The following PTPN13 variants were observed in gnomAD, a reference collection of about 807,000 sequenced individuals.
PTPN13 encodes protein tyrosine phosphatase non-receptor type 13, also known as tyrosine-protein phosphatase non-receptor type 13.
A neutral mutation model predicts 284.0 loss-of-function variants in PTPN13; 191 were observed. The observed-to-expected ratio is 0.67, with a 90% CI of 0.60 to 0.76. The LOEUF (loss-of-function observed/expected upper bound fraction) is 0.76, where lower values mean the gene tolerates loss of function less well. Among genes scored for constraint, PTPN13 ranks in the 30% least tolerant of loss-of-function variants. PTPN13 has a pLI of 0.00. For missense variants in PTPN13, 2,797 were observed against 2,939.9 expected (o/e 0.95, Z 1.12); for synonymous variants, 986 against 1,022.3 (o/e 0.96, Z 0.68).
intron 1 of PTPN13, among the ~76,000 whole-genome samples, chr4:86,602,953 C>T (rs1319333071): frequency 6.6e-6 from 1 of 152,106 alleles, no homozygotes; most frequent in East Asian, 1.9e-4. Flanking sequence ...CCTGCCTCAG[C>T]CTCTTAAGGT....
intron 2 of PTPN13, among the ~76,000 whole-genome samples, chr4:86,664,795 C>T (rs1460938586): frequency 1.3e-5 from 2 of 152,114 alleles, no homozygotes; most frequent in Non-Finnish European, 2.9e-5. Flanking sequence ...AGCTCCTCAG[C>T]ACATTATTAG....
Position 86,763,017 on chromosome 4 carries a change from C to G in PTPN13, c.3844C>G (p.Pro1282Ala). Residue 1282 changes from proline to alanine, a missense_variant, in exon 24 of 48, where the codon CCT becomes GCT. Physicochemically the swap from Pro to Ala is conservative, Grantham distance 27 (BLOSUM62 -1). Transcript: ENST00000411767. ...CTGGCAGGAATCACAGCATGGCAGC[C>G]CTTCCCCATCTGTAATATCCAAAGC... is the stretch of plus-strand genomic sequence containing the variant. ...QTWQESQHGS[P>A]SPSVISKATE... 2 of 1,613,638 alleles carry G rather than the reference C, an allele frequency of 1.2e-6. No homozygotes were observed. The highest frequency in any genetic ancestry group is 1.7e-6 in the Non-Finnish European group (2 of 1,179,816).
chr4:86,741,231 C>G (rs1344764715), intron 15 of PTPN13, among the ~76,000 whole-genome samples: 2 of 152,156 alleles, frequency 1.3e-5, no homozygotes, highest in Non-Finnish European at 2.9e-5. Context: ...CTGTATTAGT[C>G]CATTTTCACA....
chr4:86,653,676 T>A (rs1725373330), intron 2 of PTPN13, among the ~76,000 whole-genome samples: 1 of 152,146 alleles, frequency 6.6e-6, no homozygotes, highest in Non-Finnish European at 1.5e-5. Context: ...CAACATTGCA[T>A]GCAGCAACTG....
intron 19 of PTPN13, 52 bp from the exon 20 acceptor site, chr4:86,752,957 A>G: frequency 1.5e-6 from 2 of 1,305,426 alleles, no homozygotes; most frequent in Non-Finnish European, 2.2e-6. Context: ...TCACTTCGAT[A>G]TCTAGCATCT....
At chr4:86,730,301 C>T (rs923405142) in intron 10 of PTPN13, among the ~76,000 whole-genome samples, 2 of 149,636 alleles carry the variant, frequency 1.3e-5, no homozygotes, top group East Asian at 3.9e-4. Context: ...ATTCTCAGAG[C>T]TCAAACGCCA....
chr4:86,724,885 G>GTAGA (rs1371090541), intron 10 of PTPN13, among the ~76,000 whole-genome samples: 1 of 151,772 alleles, frequency 6.6e-6, no homozygotes, highest in Non-Finnish European at 1.5e-5. Context: ...TGTTATGTAG[G>GTAGA]TAGACATGTG....
At chr4:86,612,706 A>G (rs116432625) in intron 1 of PTPN13, among the ~76,000 whole-genome samples, 1 of 152,222 alleles carries the variant, frequency 6.6e-6, no homozygotes, top group Non-Finnish European at 1.5e-5. Flanking sequence ...AGAAAAAGGC[A>G]AGCGAGCATG....
intron 19 of PTPN13, among the ~76,000 whole-genome samples, chr4:86,752,476 T>G (rs939200061): frequency 1.3e-5 from 2 of 152,186 alleles, no homozygotes; most frequent in African/African-American, 4.8e-5. Flanking sequence ...AACTCTGTGT[T>G]GAAAATAGGC....
intron 42 of PTPN13, among the ~76,000 whole-genome samples, chr4:86,803,297 A>T (rs1228490323): frequency 1.3e-5 from 2 of 151,610 alleles, no homozygotes; most frequent in Non-Finnish European, 2.9e-5. Context: ...AAAATAAAAT[A>T]AAGACCTTCC....
At chr4:86,731,842 A>T (rs1035700625) in intron 10 of PTPN13, among the ~76,000 whole-genome samples, 1 of 152,046 alleles carries the variant, frequency 6.6e-6, no homozygotes, top group Non-Finnish European at 1.5e-5. Context: ...GGGTCTAACT[A>T]TGTTGCCCAG....
intron 2 of PTPN13, among the ~76,000 whole-genome samples, chr4:86,653,654 C>T (rs2148817420): frequency 6.6e-6 from 1 of 152,112 alleles, no homozygotes; most frequent in Non-Finnish European, 1.5e-5. Context: ...TAAAATACTC[C>T]AAACATAAAT....
At chr4:86,790,614 G>A (rs1434616571) in intron 40 of PTPN13, among the ~76,000 whole-genome samples, 1 of 152,130 alleles carries the variant, frequency 6.6e-6, no homozygotes, top group Non-Finnish European at 1.5e-5. Flanking sequence ...TCTTCAGGAG[G>A]AGAAGACACA....
Position 86,771,259 on chromosome 4 carries a change from A to G in PTPN13, c.4892A>G (p.Asp1631Gly), listed in dbSNP as rs767286517. 14 of 1,608,834 alleles carry G rather than the reference A, an allele frequency of 8.7e-6. No individual in the cohort carries two copies. The highest frequency in any genetic ancestry group is 1.1e-5 in the South Asian group (1 of 89,594). ...TGTGTGGAGCAAAGCACCAGCTCAG[A>G]TGAAAATGAAATGTCAGACAAAAGC... ...PSCVEQSTSS[D>G]ENEMSDKSKK... Residue 1631 changes from aspartate (D) to glycine (G), a missense_variant, in exon 31 of 48, where the codon GAT becomes GGT. Coordinates refer to ENST00000411767, the MANE Select transcript of PTPN13 (RefSeq NM_080683.3).
At chr4:86,712,446 A>C (rs2149052526) in intron 7 of PTPN13, among the ~76,000 whole-genome samples, 1 of 152,052 alleles carries the variant, frequency 6.6e-6, no homozygotes, top group South Asian at 2.1e-4. Flanking sequence ...CTCTTGGTAA[A>C]GAACATGTAA....
intron 2 of PTPN13, among the ~76,000 whole-genome samples, chr4:86,655,707 A>G (rs1254062551): frequency 6.6e-6 from 1 of 152,048 alleles, no homozygotes; most frequent in Non-Finnish European, 1.5e-5. Flanking sequence ...GGTGAATCTG[A>G]CAATTATGTG....
intron 15 of PTPN13, among the ~76,000 whole-genome samples, chr4:86,737,620 C>G (rs566760169): frequency 6.6e-6 from 1 of 151,762 alleles, no homozygotes; most frequent in Non-Finnish European, 1.5e-5. Flanking sequence ...ACCTGTAATC[C>G]TTAGCAACTA....
chr4:86,623,767 A>G (rs927792973), intron 1 of PTPN13, among the ~76,000 whole-genome samples: 4 of 152,300 alleles, frequency 2.6e-5, no homozygotes, highest in South Asian at 4.1e-4. Flanking sequence ...CCTCCTTTAG[A>G]ACTTTGCTCA....
chr4:86,662,336 C>G (rs534156460), intron 2 of PTPN13, among the ~76,000 whole-genome samples: 4 of 151,972 alleles, frequency 2.6e-5, no homozygotes, highest in African/African-American at 7.2e-5. Context: ...TTATTTATTT[C>G]TTATTTATTT....
Sources: gnomAD v4.1 joint callset for allele counts (sites outside exome capture counted in the v4.1 genomes callset) on GRCh38, gnomAD v4.1.1 for gene constraint, MANE v1.5 for transcripts, NCBI Gene and HGNC (gene_info 2026-07-23, HGNC 2026-07-21) for gene names.